Variants in EML5 observed in about 807,000 individuals in gnomAD.
EML5 encodes EMAP like 5.
In EML5, 120 loss-of-function variants were observed where a neutral mutation model predicts 250.0. The observed-to-expected ratio is 0.48, with a 90% CI of 0.41 to 0.56. EML5 has a LOEUF of 0.56. Ranked by LOEUF, EML5 falls within the 20% of genes least tolerant of loss-of-function variation. The probability of loss-of-function intolerance (pLI) is 0.00; values close to 1 mark genes in which losing one functional copy is unlikely to be tolerated. For missense variants in EML5, 2,006 were observed against 2,437.6 expected (o/e 0.82, Z 3.73); for synonymous variants, 771 against 806.5 (o/e 0.96, Z 0.75).
Position 88,621,294 on chromosome 14 carries a change from A to T in EML5, c.5021T>A (p.Ile1674Asn). ...VRSVCRGKGK[I>N]LVGTRNAEII... Reference sequence around the variant, plus strand: ...TTCAGCATTCCTTGTCCCAACAAGGATCTTGCCCTGAAACACAAGCAGGAC... The same window carrying T: ...TTCAGCATTCCTTGTCCCAACAAGGTTCTTGCCCTGAAACACAAGCAGGAC... The change falls in exon 38 of 44, where the codon ATC becomes AAC. Residue 1674 changes from isoleucine to asparagine, a missense_variant. Transcript: ENST00000554922. 6.2e-7 allele frequency: 1 copy of T among 1,613,902 alleles called. No individual in the cohort carries two copies. The highest frequency in any genetic ancestry group is 8.5e-7 in the Non-Finnish European group (1 of 1,179,860).
At chr14:88,631,263 G>C (rs2090423173) in intron 33 of EML5, among the ~76,000 whole-genome samples, 1 of 152,058 alleles carries the variant, frequency 6.6e-6, no homozygotes, top group South Asian at 2.1e-4. Context: ...ATCCAGGCTG[G>C]AGTGCCATGA....
chr14:88,683,090 T>C (rs1205939291), intron 20 of EML5, among the ~76,000 whole-genome samples: 1 of 152,288 alleles, frequency 6.6e-6, no homozygotes, highest in Non-Finnish European at 1.5e-5. Context: ...TTTGAAAATT[T>C]CTTAACTATT....
intron 33 of EML5, 122 bp downstream of exon 33, chr14:88,634,347 G>T: frequency 1.6e-6 from 1 of 633,088 alleles, no homozygotes; most frequent in Non-Finnish European, 2.6e-6. Flanking sequence ...CATTTTCTTT[G>T]TAAATTACCC....
At chr14:88,760,183 A>G (rs1160770868) in intron 1 of EML5, among the ~76,000 whole-genome samples, 2 of 152,102 alleles carry the variant, frequency 1.3e-5, no homozygotes, top group East Asian at 3.9e-4. Context: ...TATGAAGTCT[A>G]TCTAGTTCAT....
At chr14:88,717,492 C>T (rs920701983) in intron 8 of EML5, among the ~76,000 whole-genome samples, 2 of 152,182 alleles carry the variant, frequency 1.3e-5, no homozygotes, top group Non-Finnish European at 2.9e-5. Context: ...GGTGTGGTGG[C>T]TCACGCCTGT....
chr14:88,621,434 C>T, intron 37 of EML5, 133 bp from the exon 38 acceptor site: 1 of 956,704 alleles, frequency 1.0e-6, no homozygotes, highest in Non-Finnish European at 1.6e-6. Flanking sequence ...GCAAGGCAGT[C>T]ATTAGCTCAT....
At chr14:88,627,922 C>T in intron 33 of EML5, 103 bp from the exon 34 acceptor site, 1 of 1,068,566 alleles carries the variant, frequency 9.4e-7, no homozygotes, top group Middle Eastern at 2.3e-4. Context: ...AAATGTGTAC[C>T]AAACAAAAAC....
At chr14:88,693,790 G>A (rs1281227004) in intron 17 of EML5, among the ~76,000 whole-genome samples, 3 of 56,348 alleles carry the variant, frequency 5.3e-5, no homozygotes, top group African/African-American at 1.6e-4. Context: ...TTTTTTTTTC[G>A]AGACAAGTTC....
At chr14:88,772,837 C>G (rs761229887) in intron 1 of EML5, among the ~76,000 whole-genome samples, 1 of 152,214 alleles carries the variant, frequency 6.6e-6, no homozygotes, top group Non-Finnish European at 1.5e-5. Context: ...TCCAGCTACA[C>G]TGGCCTTTCT....
chr14:88,708,257 T>C (rs2093350278), intron 10 of EML5, among the ~76,000 whole-genome samples: 1 of 152,134 alleles, frequency 6.6e-6, no homozygotes, highest in Admixed American at 6.6e-5. Context: ...TGAACCTAGA[T>C]ATCATATCTT....
Position 88,615,741 on chromosome 14 carries a change from A to T in EML5, c.*77T>A, listed in dbSNP as rs1353297869. On this transcript the variant is annotated 3_prime_UTR_variant, in exon 44 of 44. Coordinates refer to ENST00000554922, the MANE Select transcript of EML5 (RefSeq NM_183387.3). ...AGTCTTGGGTTAGCACCACTTGACCATGCAGGGTTGGGTTTTGGTTTTTCT... is the reference window on the plus strand; with the variant it reads ...AGTCTTGGGTTAGCACCACTTGACCTTGCAGGGTTGGGTTTTGGTTTTTCT... The T allele has an allele frequency of 1.4e-6, 2 of 1,416,774 alleles. No individual in the cohort carries two copies. Among genetic ancestry groups the T allele is most frequent in the Non-Finnish European group, 1.9e-6 (2 of 1,025,888 alleles). 87.8% of individuals were successfully genotyped at this position (1,416,774 alleles called of 1,614,324 possible).
chr14:88,724,948 C>T (rs1213824092), intron 8 of EML5, among the ~76,000 whole-genome samples: 1 of 152,094 alleles, frequency 6.6e-6, no homozygotes, highest in Admixed American at 6.6e-5. Flanking sequence ...AGGGAGGTTT[C>T]GTAGTCTTTC....
intron 1 of EML5, among the ~76,000 whole-genome samples, chr14:88,758,013 T>C (rs1174385747): frequency 1.4e-5 from 2 of 143,736 alleles, no homozygotes; most frequent in African/African-American, 2.7e-5. Context: ...CCACCACACC[T>C]GTCTAATTTT....
chr14:88,615,715 C>A lies in EML5; in HGVS notation c.*103G>T. 9.6e-7 allele frequency: 1 copy of A among 1,036,516 alleles called. No homozygotes were observed. The allele number at this position is 1,036,516 out of a possible 1,614,324, so 64.2% of individuals were successfully genotyped here. On this transcript the variant is annotated 3_prime_UTR_variant, in exon 44 of 44. Coordinates refer to ENST00000554922, the MANE Select transcript of EML5 (RefSeq NM_183387.3). ...TGATTCTGGGCATTTCTCCCTGTTA[C>A]AGTCTTGGGTTAGCACCACTTGACC... is the stretch of plus-strand genomic sequence containing the variant.
chr14:88,643,860 G>A (rs1039130884), intron 30 of EML5, among the ~76,000 whole-genome samples: 2 of 152,192 alleles, frequency 1.3e-5, no homozygotes, highest in African/African-American at 4.8e-5. Context: ...GGGAACGACA[G>A]CAATCACCAT....
intron 21 of EML5, among the ~76,000 whole-genome samples, chr14:88,670,164 A>C (rs2092419494): frequency 6.6e-6 from 1 of 151,294 alleles, no homozygotes. Flanking sequence ...AAAAAAAAAC[A>C]AAAAAAATTA....
At chr14:88,644,752 C>T (rs1334834602) in intron 29 of EML5, 1 of 343,672 alleles carries the variant, frequency 2.9e-6, no homozygotes, top group African/African-American at 2.1e-5. Context: ...ACTCTGTCGC[C>T]CATGCTGGAG....
At chr14:88,633,501 CCTTGT>C (rs1428400889) in intron 33 of EML5, among the ~76,000 whole-genome samples, 2 of 151,850 alleles carry the variant, frequency 1.3e-5, no homozygotes, top group South Asian at 2.1e-4. Context: ...TTTTTTGTAC[CCTTGT>C]CTTGACATGA....
At chr14:88,663,801 C>A (rs192208253) in intron 23 of EML5, among the ~76,000 whole-genome samples, 2 of 151,516 alleles carry the variant, frequency 1.3e-5, no homozygotes, top group Admixed American at 1.3e-4. Flanking sequence ...TCCCAAAGTA[C>A]TGAGATTACA....
Sources: allele counts gnomAD v4.1 joint callset (sites outside exome capture counted in the v4.1 genomes callset), GRCh38; gene constraint gnomAD v4.1.1; transcripts MANE v1.5; gene names NCBI Gene and HGNC (gene_info 2026-07-23, HGNC 2026-07-21).